CARS2: variants seen among roughly 807,000 people sequenced by gnomAD.
The protein encoded by CARS2 is cysteinyl-tRNA synthetase 2, mitochondrial.
CARS2 carries 52 observed loss-of-function variants against 68.8 expected under a neutral mutation model. That is an observed-to-expected ratio of 0.76 (90% CI 0.61 to 0.95). The LOEUF (loss-of-function observed/expected upper bound fraction) is 0.95. Among genes scored for constraint, CARS2 ranks in the 40% least tolerant of loss-of-function variants. CARS2 has a pLI of 0.00. For synonymous variants in CARS2, 314 were observed against 303.6 expected (o/e 1.03, Z -0.36); for missense variants, 780 against 754.2 (o/e 1.03, Z -0.40).
chr13:110,713,226 GC>G, exon 1 of CARS2: 1 of 1,415,814 alleles, frequency 7.1e-7, no homozygotes, highest in Non-Finnish European at 9.2e-7. Context: ...TCTGTTTCGG[GC>G]CCTACTTATA....
At chr13:110,706,455 G>A (rs767456524), upstream of CARS2, 1 of 166,522 alleles carries the variant, frequency 6.0e-6, no homozygotes, top group East Asian at 1.7e-4. Flanking sequence ...TGTCCGCCGC[G>A]CGGGAGGAGC....
intron 9 of CARS2, among the ~76,000 whole-genome samples, chr13:110,656,939 T>C (rs1157762728): frequency 6.6e-6 from 1 of 151,616 alleles, no homozygotes; most frequent in Non-Finnish European, 1.5e-5. Flanking sequence ...ACTGCGAATA[T>C]CTTACAAACC....
upstream of CARS2, among the ~76,000 whole-genome samples, chr13:110,710,127 T>C (rs935896332): frequency 6.6e-6 from 1 of 152,212 alleles, no homozygotes; most frequent in Non-Finnish European, 1.5e-5. Flanking sequence ...ACGCCTGTAA[T>C]CCCAGCACTT....
rs75492117 is a variant in CARS2, at chr13:110,650,893, A to T, written c.1054+141T>A. 8,595 of 657,362 alleles carry T rather than the reference A, an allele frequency of 0.013. 438 individuals are homozygous for T. The highest frequency in any genetic ancestry group is 0.12 in the African/African-American group (6,710 of 54,610). 40.7% of individuals were successfully genotyped at this position (657,362 alleles called of 1,614,324 possible). On this transcript the variant is annotated intron_variant, in intron 10 of 14. Transcript: ENST00000257347. ...TCCCTCGTCCTCTGGGTTCACTCTCAACCCGAACCGTAAGGCACACAGCAG... is the reference window on the plus strand; with the variant it reads ...TCCCTCGTCCTCTGGGTTCACTCTCTACCCGAACCGTAAGGCACACAGCAG...
chr13:110,692,111 T>C (rs975734269), intron 3 of CARS2, among the ~76,000 whole-genome samples: 5 of 147,636 alleles, frequency 3.4e-5, no homozygotes, highest in African/African-American at 5.1e-5. Flanking sequence ...CATATATATA[T>C]ATACACACAC....
intron 9 of CARS2, among the ~76,000 whole-genome samples, chr13:110,661,903 C>T (rs375964800): frequency 2.6e-4 from 40 of 152,170 alleles, no homozygotes; most frequent in African/African-American, 8.9e-4. Flanking sequence ...TCATGGAGCC[C>T]GAAAACAATT....
intron 8 of CARS2, chr13:110,666,558 T>C (rs896232524): frequency 5.1e-6 from 5 of 985,324 alleles, no homozygotes; most frequent in Non-Finnish European, 6.0e-6. Context: ...CAGCCTCATG[T>C]ACTTTCACGA....
Position 110,642,310 on chromosome 13 carries a change from C to T in CARS2, c.1623+5G>A. 1.3e-6 allele frequency: 2 copies of T among 1,547,784 alleles called. No homozygotes were observed. Among genetic ancestry groups the T allele is most frequent in the Non-Finnish European group, 1.7e-6 (2 of 1,145,076 alleles). On this transcript the variant is annotated splice_donor_5th_base_variant and intron_variant, in intron 14 of 14. Coordinates refer to ENST00000257347, the MANE Select transcript of CARS2 (RefSeq NM_024537.4). ...TGATGTCCCTGACCTTGGTGCGGCACTCACCTTGATGTTGATGCCGTGGGC... is the reference window on the plus strand; with the variant it reads ...TGATGTCCCTGACCTTGGTGCGGCATTCACCTTGATGTTGATGCCGTGGGC...
chr13:110,706,192 G>A (rs2063955014), upstream of CARS2: 2 of 862,370 alleles, frequency 2.3e-6, no homozygotes, highest in Non-Finnish European at 3.0e-6. Context: ...CCCCGCCCAC[G>A]CCCTTGGGGC....
At chr13:110,662,147 T>C (rs2062519097) in intron 9 of CARS2, among the ~76,000 whole-genome samples, 1 of 152,166 alleles carries the variant, frequency 6.6e-6, no homozygotes, top group Admixed American at 6.5e-5. Context: ...TAAAGCAAGG[T>C]CCCTGCAGTG....
rs148098469 is a variant in CARS2, at chr13:110,687,826, C to G, written c.466G>C (p.Val156Leu). 2 of 1,602,570 alleles carry G rather than the reference C, an allele frequency of 1.2e-6. No homozygotes were observed. Among genetic ancestry groups the G allele is most frequent in the Admixed American group, 1.7e-5 (1 of 59,372 alleles). The change falls in exon 5 of 15, where the codon GTT becomes CTT. Residue 156 changes from valine (V) to leucine (L), a missense_variant and splice_region_variant. Coordinates refer to ENST00000257347, the MANE Select transcript of CARS2 (RefSeq NM_024537.4). ...DFKQDMAALK[V>L]LPPTVYLRVT... ...CTCAGGTACACCGTGGGTGGGAGAA[C>G]CTGCAAGGAAGTGGAGACGTGACCG...
chr13:110,673,290 G>A (rs1034258976), intron 7 of CARS2, among the ~76,000 whole-genome samples: 10 of 152,188 alleles, frequency 6.6e-5, no homozygotes, highest in Admixed American at 2.0e-4. Context: ...TAGCCCTGAT[G>A]AACATCGATG....
chr13:110,677,590 C>G (rs1297378273), intron 6 of CARS2, among the ~76,000 whole-genome samples: 1 of 79,780 alleles, frequency 1.3e-5, no homozygotes, highest in East Asian at 3.6e-4. Context: ...ACCATGGAAA[C>G]ACAATCACCC....
intron 9 of CARS2, among the ~76,000 whole-genome samples, chr13:110,654,675 T>C (rs1213671025): frequency 6.6e-6 from 1 of 151,770 alleles, no homozygotes; most frequent in Non-Finnish European, 1.5e-5. Flanking sequence ...CCCAGCGCTT[T>C]GTGAGGCTAA....
At chr13:110,656,569 C>A (rs2986087) in intron 9 of CARS2, among the ~76,000 whole-genome samples, 1 of 151,842 alleles carries the variant, frequency 6.6e-6, no homozygotes, top group Non-Finnish European at 1.5e-5. Flanking sequence ...ATGGATGTGG[C>A]GTTTCTTTTT....
At chr13:110,664,872 G>C (rs182427781) in intron 8 of CARS2, 2 of 492,462 alleles carry the variant, frequency 4.1e-6, no homozygotes, top group East Asian at 1.5e-4. Flanking sequence ...GCCCTCCCGA[G>C]ACACCGAGTC....
intron 13 of CARS2, 100 bp from the exon 14 acceptor site, chr13:110,642,621 C>A: frequency 9.1e-7 from 1 of 1,104,624 alleles, no homozygotes; most frequent in Non-Finnish European, 1.4e-6. Context: ...CCCACCCAGC[C>A]CTGGGCTTCC....
intron 5 of CARS2, among the ~76,000 whole-genome samples, chr13:110,685,698 A>C (rs373445618): frequency 2.0e-5 from 3 of 152,338 alleles, no homozygotes; most frequent in African/African-American, 7.2e-5. Context: ...TGAGAAAGTA[A>C]GTTCACTTTC....
Position 110,651,099 on chromosome 13 carries a change from T to C in CARS2, c.989A>G (p.Asp330Gly), listed in dbSNP as rs2062199145. 2 of 1,612,738 alleles carry C rather than the reference T, an allele frequency of 1.2e-6. No individual in the cohort carries two copies. The highest frequency in any genetic ancestry group is 1.3e-5 in the African/African-American group (1 of 74,860). ...KSLKNYITIK[D>G]FLKTFSPDVF... is the part of the protein sequence containing the mutation. The stretch of plus-strand genomic sequence containing the variant: ...ATCGGGGGAAAAGGTCTTCAGAAAG[T>C]CCTGGTAAAGCGAGAGACAGGCAGT... Residue 330 changes from aspartate (D) to glycine (G), a missense_variant and splice_region_variant, in exon 10 of 15, where the codon GAC (aspartate) becomes GGC (glycine). Transcript: ENST00000257347.
Sources: allele counts gnomAD v4.1 joint callset (sites outside exome capture counted in the v4.1 genomes callset), GRCh38; gene constraint gnomAD v4.1.1; transcripts MANE v1.5; gene names NCBI Gene and HGNC (gene_info 2026-07-23, HGNC 2026-07-21).